Variants in RNF217 observed in about 807,000 individuals in gnomAD.
RNF217 encodes the protein ring finger protein 217, also known as E3 ubiquitin-protein ligase RNF217.
RNF217 carries 31 observed loss-of-function variants against 57.8 expected under a neutral mutation model. The ratio of observed to expected loss-of-function variants is 0.54; its 90% CI spans 0.40 to 0.72. The LOEUF is 0.72. Ranked by LOEUF, RNF217 falls within the 30% of genes least tolerant of loss-of-function variation. The pLI is 0.00. For missense variants in RNF217, 696 were observed against 708.3 expected (o/e 0.98, Z 0.20); for synonymous variants, 313 against 294.0 (o/e 1.06, Z -0.66).
intron 3 of RNF217, among the ~76,000 whole-genome samples, chr6:125,075,441 A>G (rs1001625324): frequency 1.3e-5 from 2 of 152,168 alleles, no homozygotes; most frequent in African/African-American, 2.4e-5. Context: ...ACTTACAATC[A>G]TGGCAGAAGG....
chr6:125,035,483 T>C (rs1440197798), intron 1 of RNF217, among the ~76,000 whole-genome samples: 1 of 152,184 alleles, frequency 6.6e-6, no homozygotes, highest in East Asian at 1.9e-4. Flanking sequence ...AATAAAATAC[T>C]TTACAGACTA....
chr6:125,004,494 G>A (rs1163820194), intron 1 of RNF217, among the ~76,000 whole-genome samples: 1 of 152,166 alleles, frequency 6.6e-6, no homozygotes, highest in Admixed American at 6.5e-5. Context: ...CTAGCCCTGG[G>A]GAGAATAACT....
intron 1 of RNF217, among the ~76,000 whole-genome samples, chr6:124,994,132 A>C (rs1356584462): frequency 6.6e-6 from 1 of 152,190 alleles, no homozygotes; most frequent in East Asian, 1.9e-4. Flanking sequence ...CCTAGAGAAA[A>C]AAAAATATGT....
rs76617896 is a variant in RNF217, at chr6:125,053,922, G to A, written c.1117-4020G>A. On this transcript the variant is annotated intron_variant, in intron 2 of 5. Coordinates refer to ENST00000521654, the MANE Select transcript of RNF217 (RefSeq NM_001286398.3). The stretch of plus-strand genomic sequence containing the variant: ...CTTAGTAAAAGTTCATTAGGACAAT[G>A]TATTTAGTAAACATCATCTGATAAT... Among the ~76,000 whole-genome samples the A allele has an allele frequency of 3.2e-4, 48 of 152,188 alleles. No homozygotes were observed. The East Asian group carries it at 9.1e-3, about 29-fold the overall frequency.
intron 3 of RNF217, among the ~76,000 whole-genome samples, chr6:125,075,470 C>T (rs1454121643): frequency 6.6e-6 from 1 of 152,064 alleles, no homozygotes; most frequent in Non-Finnish European, 1.5e-5. Flanking sequence ...CACAGGGCAG[C>T]AGGAGAGAGA....
chr6:125,041,543 G>A (rs894645787), intron 1 of RNF217, among the ~76,000 whole-genome samples: 1 of 151,806 alleles, frequency 6.6e-6, no homozygotes, highest in Non-Finnish European at 1.5e-5. Context: ...ATATATTTTT[G>A]TCACTGAGTT....
chr6:125,049,840 T>C (rs1023717992), intron 2 of RNF217, among the ~76,000 whole-genome samples: 2 of 151,792 alleles, frequency 1.3e-5, no homozygotes, highest in African/African-American at 4.8e-5. Context: ...AAATTGACTA[T>C]GTCTGGAAGA....
intron 3 of RNF217, among the ~76,000 whole-genome samples, chr6:125,061,716 G>A (rs1445127543): frequency 6.6e-6 from 1 of 150,626 alleles, no homozygotes; most frequent in African/African-American, 2.4e-5. Context: ...TTTCTTTGTG[G>A]TCAAATACAC....
chr6:125,087,964 A>G lies in RNF217; in HGVS notation c.*5027A>G, dbSNP rs1788819148. 1 of 151,622 alleles carries G rather than the reference A, an allele frequency of 6.6e-6. No homozygotes were observed. The highest frequency in any genetic ancestry group is 2.4e-5 in the African/African-American group (1 of 41,284). The allele number at this position is 151,622 out of a possible 1,614,324, so 9.4% of individuals were successfully genotyped here. On this transcript the variant is annotated 3_prime_UTR_variant, in exon 6 of 6. Transcript: ENST00000521654. ...AAGCATATTTTGTATTTAAAGTTAT[A>G]ATTTAATTATGATACTGTCCCCCTA...
intron 1 of RNF217, chr6:125,009,167 T>G: frequency 6.6e-7 from 1 of 1,521,860 alleles, no homozygotes; most frequent in Non-Finnish European, 8.8e-7. Context: ...TCTTCTCATA[T>G]TCATAGGTCC....
At chr6:125,076,207 G>A (rs1788361601) in intron 3 of RNF217, among the ~76,000 whole-genome samples, 1 of 152,010 alleles carries the variant, frequency 6.6e-6, no homozygotes, top group African/African-American at 2.4e-5. Context: ...TCTGCTTTTT[G>A]GTATTTATTC....
At chr6:124,967,139 A>C (rs1298860870) in intron 1 of RNF217, among the ~76,000 whole-genome samples, 1 of 152,180 alleles carries the variant, frequency 6.6e-6, no homozygotes, top group Non-Finnish European at 1.5e-5. Context: ...CGTGTACATA[A>C]ATCTGGAACA....
In RNF217 at chr6:125,077,348, A is replaced by G. The variant is rs1167135094; in HGVS notation, c.1483+490A>G. Among the ~76,000 whole-genome samples the G allele has an allele frequency of 4.6e-5, 7 of 152,264 alleles. No homozygotes were observed. In the East Asian group the frequency reaches 7.7e-4, roughly 17 times the overall value. On this transcript the variant is annotated intron_variant, in intron 4 of 5. Coordinates refer to ENST00000521654, the MANE Select transcript of RNF217 (RefSeq NM_001286398.3). ...TCTATATAAGTGATAAGTTGCATAT[A>G]TTTTTCATTGTTTTAATTATTAATA...
chr6:124,980,668 G>A (rs908425588), intron 1 of RNF217, among the ~76,000 whole-genome samples: 3 of 151,048 alleles, frequency 2.0e-5, no homozygotes, highest in African/African-American at 2.4e-5. Flanking sequence ...TGTTTTGATC[G>A]TGCCTGTCCT....
intron 3 of RNF217, among the ~76,000 whole-genome samples, chr6:125,067,820 G>A (rs142945613): frequency 1.8e-4 from 27 of 152,208 alleles, no homozygotes; most frequent in Admixed American, 1.0e-3. Flanking sequence ...ATTCGAATGT[G>A]GAAGTGATCA....
chr6:124,991,994 G>T (rs999653312), intron 1 of RNF217, among the ~76,000 whole-genome samples: 1 of 152,126 alleles, frequency 6.6e-6, no homozygotes, highest in Non-Finnish European at 1.5e-5. Flanking sequence ...GAACCCAGGG[G>T]ACTCAAATGA....
At chr6:124,986,529 A>G (rs1784368227) in intron 1 of RNF217, among the ~76,000 whole-genome samples, 1 of 152,202 alleles carries the variant, frequency 6.6e-6, no homozygotes, top group South Asian at 2.1e-4. Flanking sequence ...TCTTTATGTT[A>G]GTAATCATGC....
intron 1 of RNF217, among the ~76,000 whole-genome samples, chr6:124,991,948 C>G (rs1054311061): frequency 2.6e-5 from 4 of 152,140 alleles, no homozygotes; most frequent in African/African-American, 9.7e-5. Flanking sequence ...ATGGATTCCC[C>G]AAGGTCATAC....
chr6:125,067,122 A>G (rs187108349), intron 3 of RNF217, among the ~76,000 whole-genome samples: 9 of 152,338 alleles, frequency 5.9e-5, no homozygotes, highest in Admixed American at 5.9e-4. Flanking sequence ...GAGGGAGATT[A>G]CAATTAAAAC....
Sources: allele counts gnomAD v4.1 joint callset (sites outside exome capture counted in the v4.1 genomes callset), GRCh38; gene constraint gnomAD v4.1.1; transcripts MANE v1.5; gene names NCBI Gene and HGNC (gene_info 2026-07-23, HGNC 2026-07-21).